Variants in RTL4 observed in about 807,000 individuals in gnomAD.
RTL4 encodes the protein retrotransposon Gag like 4.
In RTL4, 4 loss-of-function variants were observed where a neutral mutation model predicts 5.3. The observed-to-expected ratio is 0.75, with a 90% CI of 0.37 to 1.72. The LOEUF (loss-of-function observed/expected upper bound fraction) is 1.72. RTL4 is among the 40% of genes most tolerant of loss of function. The probability of loss-of-function intolerance (pLI) is 0.04; values close to 1 mark genes in which losing one functional copy is unlikely to be tolerated. For synonymous variants in RTL4, 98 were observed against 87.3 expected (o/e 1.12, Z -0.68); for missense variants, 260 against 227.1 (o/e 1.14, Z -0.93).
the RTL4 span, among the ~76,000 whole-genome samples, chrX:112,244,595 C>A: frequency 9.0e-6 from 1 of 111,429 alleles, no homozygotes; most frequent in Non-Finnish European, 1.9e-5. Flanking sequence ...TGCTTCTGTA[C>A]GTGAAATGGG....
At chrX:112,375,869 A>G in the RTL4 span, among the ~76,000 whole-genome samples, 1 of 111,863 alleles carries the variant, frequency 8.9e-6, no homozygotes, top group East Asian at 2.8e-4. Flanking sequence ...TAGTTGTGAC[A>G]GAGACAAAAT....
At chrX:112,397,352 T>G in the RTL4 span, among the ~76,000 whole-genome samples, 23 of 112,312 alleles carry the variant, frequency 2.0e-4, 2 homozygotes, top group Admixed American at 1.9e-3. Context: ...TTATTTGTTC[T>G]TTATTTTTAT....
At chrX:112,208,211 G>A in the RTL4 span, among the ~76,000 whole-genome samples, 4 of 111,920 alleles carry the variant, frequency 3.6e-5, no homozygotes, top group Admixed American at 1.9e-4. Flanking sequence ...GTGTAGAGAA[G>A]ATGTTCATGT....
At chrX:112,392,874 G>A in the RTL4 span, among the ~76,000 whole-genome samples, 1 of 110,833 alleles carries the variant, frequency 9.0e-6, no homozygotes, top group Non-Finnish European at 1.9e-5. Flanking sequence ...TGTGCTGGGG[G>A]ACTGCTTCAG....
chrX:112,113,682 T>C, the RTL4 span, among the ~76,000 whole-genome samples: 18,280 of 111,205 alleles, frequency 0.16, 2,316 homozygotes, highest in African/African-American at 0.43. Context: ...AACCTTTGTC[T>C]TCTGGGGCAG....
chrX:112,135,451 G>A, the RTL4 span, among the ~76,000 whole-genome samples: 7 of 110,853 alleles, frequency 6.3e-5, no homozygotes, highest in East Asian at 5.7e-4. Context: ...GATATACTTC[G>A]CAATGATTTT....
the RTL4 span, among the ~76,000 whole-genome samples, chrX:112,187,973 C>T: frequency 3.6e-5 from 4 of 111,308 alleles, no homozygotes; most frequent in African/African-American, 6.5e-5. Flanking sequence ...GGAGAGAAAT[C>T]GATGATGATG....
chrX:112,419,180 A>G, the RTL4 span, among the ~76,000 whole-genome samples: 134 of 102,584 alleles, frequency 1.3e-3, 4 homozygotes, highest in Admixed American at 0.012. Context: ...ACCAAGCCCC[A>G]GAAAGAACTG....
chrX:112,213,054 T>C, the RTL4 span, among the ~76,000 whole-genome samples: 2 of 112,379 alleles, frequency 1.8e-5, no homozygotes, highest in Non-Finnish European at 3.8e-5. Context: ...CTATGGGAGA[T>C]TTGATAAGCT....
chrX:112,175,450 T>C, the RTL4 span, among the ~76,000 whole-genome samples: 1 of 110,389 alleles, frequency 9.1e-6, no homozygotes, highest in Non-Finnish European at 1.9e-5. Context: ...TCTCTGTGTT[T>C]GTACCAGTAC....
At chrX:112,228,744 A>AT in the RTL4 span, among the ~76,000 whole-genome samples, 4 of 111,289 alleles carry the variant, frequency 3.6e-5, no homozygotes, top group South Asian at 3.8e-4. Context: ...CTATGAGTTC[A>AT]TTTTTTTTAG....
chrX:112,401,567 T>C, the RTL4 span, among the ~76,000 whole-genome samples: 1 of 111,870 alleles, frequency 8.9e-6, no homozygotes, highest in Non-Finnish European at 1.9e-5. Context: ...TATACATTCT[T>C]GGCTTCAATG....
At chrX:112,407,723 A>C in the RTL4 span, among the ~76,000 whole-genome samples, 1 of 112,685 alleles carries the variant, frequency 8.9e-6, no homozygotes, top group African/African-American at 3.2e-5. Context: ...ATGGCATCAG[A>C]TGTGATCCAG....
the RTL4 span, among the ~76,000 whole-genome samples, chrX:112,395,190 C>G: frequency 1.8e-5 from 2 of 111,522 alleles, no homozygotes; most frequent in Non-Finnish European, 3.8e-5. Context: ...AATTTCATTC[C>G]TCACATACAG....
chrX:112,456,650 C>A, exon 1 of RTL4: 3 of 246,621 alleles, frequency 1.2e-5, no homozygotes, highest in East Asian at 6.5e-5. Flanking sequence ...CCAGACCCTG[C>A]AGTAGTTTCT....
the RTL4 span, among the ~76,000 whole-genome samples, chrX:112,424,968 C>T: frequency 3.6e-5 from 4 of 110,922 alleles, no homozygotes; most frequent in African/African-American, 9.8e-5. Context: ...CATTAGGATT[C>T]ACTCTTGCTG....
At chrX:112,105,778 G>A in the RTL4 span, among the ~76,000 whole-genome samples, 10 of 111,380 alleles carry the variant, frequency 9.0e-5, no homozygotes, top group African/African-American at 2.9e-4. Context: ...TAGGTTTTTG[G>A]TGGAGTCTTT....
chrX:112,281,346 TTTCA>T, the RTL4 span, among the ~76,000 whole-genome samples: 25 of 112,311 alleles, frequency 2.2e-4, no homozygotes, highest in African/African-American at 7.7e-4. Flanking sequence ...CTGAATAGTA[TTTCA>T]ATGTGTATAT....
the RTL4 span, among the ~76,000 whole-genome samples, chrX:112,162,281 A>T: frequency 2.7e-5 from 3 of 111,479 alleles, no homozygotes; most frequent in East Asian, 8.5e-4. Context: ...GGCAACACAA[A>T]TGGCTCTGTA....
Sources: gnomAD v4.1 joint callset for allele counts (sites outside exome capture counted in the v4.1 genomes callset) on GRCh38, gnomAD v4.1.1 for gene constraint, MANE v1.5 for transcripts, NCBI Gene and HGNC (gene_info 2026-07-23, HGNC 2026-07-21) for gene names.